The following TMEM63C variants were observed in gnomAD, a reference collection of about 807,000 sequenced individuals.
TMEM63C encodes transmembrane protein 63C.
A neutral mutation model predicts 99.2 loss-of-function variants in TMEM63C; 32 were observed. That is an observed-to-expected ratio of 0.32 (90% confidence interval 0.24 to 0.43). The LOEUF is 0.43. Among genes scored for constraint, TMEM63C ranks in the 20% least tolerant of loss-of-function variants. The probability of loss-of-function intolerance (pLI) is 1.00; values close to 1 mark genes in which losing one functional copy is unlikely to be tolerated. For synonymous variants in TMEM63C, 376 were observed against 397.9 expected (o/e 0.94, Z 0.66); for missense variants, 826 against 1,053.0 (o/e 0.78, Z 2.98).
At chr14:77,240,269 C>T (rs138792644) in intron 12 of TMEM63C, among the ~76,000 whole-genome samples, 1 of 152,208 alleles carries the variant, frequency 6.6e-6, no homozygotes, top group Non-Finnish European at 1.5e-5. Context: ...CCTCACTTTC[C>T]CCAGATCTAA....
At chr14:77,239,539 G>T (rs771335647) in intron 11 of TMEM63C, 47 bp downstream of exon 11, 4 of 1,612,210 alleles carry the variant, frequency 2.5e-6, no homozygotes, top group Non-Finnish European at 3.4e-6. Flanking sequence ...GGGGTAAAAG[G>T]GGAGGATGGG....
At chr14:77,240,420 A>G in intron 12 of TMEM63C, 55 bp from the exon 13 acceptor site, 1 of 1,557,410 alleles carries the variant, frequency 6.4e-7, no homozygotes, top group Non-Finnish European at 8.6e-7. Flanking sequence ...CCTCGTGACC[A>G]GGGAGGCCTT....
At chr14:77,244,904 C>T (rs1889241585) in intron 16 of TMEM63C, among the ~76,000 whole-genome samples, 1 of 152,224 alleles carries the variant, frequency 6.6e-6, no homozygotes, top group Non-Finnish European at 1.5e-5. Context: ...TGGCCCACAC[C>T]ATGCCAACCT....
At position 77,251,711 on chromosome 14, in the gene TMEM63C, C is replaced by T. The variant is rs189714859; in HGVS notation, c.2039-78C>T. The T allele has an allele frequency of 1.8e-3, 2,050 of 1,168,930 alleles. 2 individuals carry two copies. The highest frequency in any genetic ancestry group is 2.4e-3 in the Non-Finnish European group (1,828 of 777,610). The allele number at this position is 1,168,930 out of a possible 1,614,324, so 72.4% of individuals were successfully genotyped here. On this transcript the variant is annotated intron_variant, in intron 21 of 23. Transcript: ENST00000298351. ...CAAAGCCCTTGCAGTGGTGCTGTGA[C>T]GGTCCCTGGCATCTGCCAGTTGGGG...
At chr14:77,247,031 C>T (rs1034120246) in intron 18 of TMEM63C, among the ~76,000 whole-genome samples, 1 of 152,182 alleles carries the variant, frequency 6.6e-6, no homozygotes, top group African/African-American at 2.4e-5. Flanking sequence ...GACACTGGTC[C>T]ATCCACAGAG....
chr14:77,240,459 C>T lies in TMEM63C; in HGVS notation c.931-16C>T. The stretch of plus-strand genomic sequence containing the variant: ...GGGGCTCTGGCCCCAGCCCTGAAGG[C>T]TGCCTGCCACCCCAGGTGGATGCAG... On this transcript the variant is annotated splice_polypyrimidine_tract_variant and intron_variant, in intron 12 of 23. Transcript: ENST00000298351. 1 of 1,604,222 alleles carries T rather than the reference C, an allele frequency of 6.2e-7. No homozygotes were observed. Among genetic ancestry groups the T allele is most frequent in the Non-Finnish European group, 8.5e-7 (1 of 1,178,406 alleles).
rs2140093251 is a variant in TMEM63C at position 77,194,940 on chromosome 14, T to A, written c.-77+13046T>A. 2.0e-5 allele frequency among the ~76,000 whole-genome samples: 3 copies of A among 152,124 alleles called. No individual in the cohort carries two copies. The South Asian group carries it at 6.2e-4, about 32-fold the overall frequency. ...GGTTTGATTTTTTTCCCCCTAAGCA[T>A]GTTATTTTCAGAATTTAAAGAGCAT... On this transcript the variant is annotated intron_variant, in intron 1 of 23. Coordinates refer to ENST00000298351, the MANE Select transcript of TMEM63C (RefSeq NM_020431.4).
chr14:77,213,154 T>C (rs569090678), intron 1 of TMEM63C, among the ~76,000 whole-genome samples: 3 of 152,188 alleles, frequency 2.0e-5, no homozygotes, highest in Non-Finnish European at 4.4e-5. Flanking sequence ...CACGGGTGCC[T>C]CTGCCCACGC....
intron 23 of TMEM63C, 32 bp downstream of exon 23, chr14:77,253,408 G>T (rs1408526348): frequency 1.3e-6 from 2 of 1,580,724 alleles, no homozygotes; most frequent in East Asian, 4.6e-5. Flanking sequence ...CAGGTTGGGA[G>T]GGTGGTGCTT....
intron 13 of TMEM63C, 34 bp downstream of exon 13, chr14:77,240,642 A>G (rs779267955): frequency 6.2e-7 from 1 of 1,600,162 alleles, no homozygotes; most frequent in Non-Finnish European, 8.5e-7. Flanking sequence ...CCCAGCCCCA[A>G]GCATACTCCT....
intron 2 of TMEM63C, among the ~76,000 whole-genome samples, chr14:77,215,614 A>AAAAAGAAAAAAGAAAAGAAAAG: frequency 1.3e-5 from 1 of 76,550 alleles, no homozygotes; most frequent in East Asian, 4.5e-4. Flanking sequence ...AAAAAAAAAA[A>AAAAAGAAAAAAGAAAAGAAAAG]AAAAGAAAAG....
chr14:77,248,238 C>G, intron 18 of TMEM63C, 109 bp from the exon 19 acceptor site: 5 of 926,614 alleles, frequency 5.4e-6, no homozygotes, highest in Non-Finnish European at 8.2e-6. Flanking sequence ...ATCTGTATCT[C>G]CACTCCGATT....
chr14:77,252,017 C>T, intron 22 of TMEM63C, 119 bp downstream of exon 22: 1 of 854,148 alleles, frequency 1.2e-6, no homozygotes, highest in African/African-American at 1.7e-5. Flanking sequence ...TCGCCTTTGT[C>T]TCTGACTGTA....
chr14:77,184,850 G>T (rs74070734), intron 1 of TMEM63C, among the ~76,000 whole-genome samples: 1,778 of 152,290 alleles, frequency 0.012, 22 homozygotes, highest in African/African-American at 0.04. Flanking sequence ...AGCTCACGAA[G>T]TATGGTGTGT....
At chr14:77,230,094 C>T (rs761852312) in intron 6 of TMEM63C, among the ~76,000 whole-genome samples, 4 of 151,616 alleles carry the variant, frequency 2.6e-5, no homozygotes, top group Non-Finnish European at 5.9e-5. Context: ...CCCAGCTGCT[C>T]GGGAGGCTGA....
At chr14:77,229,701 C>G (rs1888900430) in intron 6 of TMEM63C, among the ~76,000 whole-genome samples, 1 of 150,444 alleles carries the variant, frequency 6.6e-6, no homozygotes, top group Non-Finnish European at 1.5e-5. Context: ...ATCCACCTGT[C>G]TCTGCCTCCC....
chr14:77,186,169 G>A (rs534031530), intron 1 of TMEM63C, among the ~76,000 whole-genome samples: 4 of 152,132 alleles, frequency 2.6e-5, no homozygotes, highest in East Asian at 3.9e-4. Context: ...GCGCCAACAC[G>A]TCGGCTAATT....
At chr14:77,226,881 C>T (rs1172774196) in intron 6 of TMEM63C, among the ~76,000 whole-genome samples, 1 of 151,928 alleles carries the variant, frequency 6.6e-6, no homozygotes, top group African/African-American at 2.4e-5. Context: ...AATTCTCCTG[C>T]CTCAGCCTCC....
chr14:77,247,517 T>C (rs928562871), intron 18 of TMEM63C, among the ~76,000 whole-genome samples: 4 of 152,164 alleles, frequency 2.6e-5, no homozygotes, highest in African/African-American at 9.7e-5. Flanking sequence ...GCATTTTTTA[T>C]ATAAGCAAGC....
Sources: gnomAD v4.1 joint callset for allele counts (sites outside exome capture counted in the v4.1 genomes callset) on GRCh38, gnomAD v4.1.1 for gene constraint, MANE v1.5 for transcripts, NCBI Gene and HGNC (gene_info 2026-07-23, HGNC 2026-07-21) for gene names.